REV3L: variants seen among roughly 807,000 people sequenced by gnomAD.
REV3L encodes DNA polymerase zeta catalytic subunit.
In REV3L, 69 loss-of-function variants were observed where a neutral mutation model predicts 299.4. The ratio of observed to expected loss-of-function variants is 0.23; its 90% CI spans 0.19 to 0.28. The LOEUF is 0.28. Among genes scored for constraint, REV3L ranks in the 10% least tolerant of loss-of-function variants. The pLI is 1.00. For missense variants in REV3L, 3,128 were observed against 3,693.8 expected (o/e 0.85, Z 3.97); for synonymous variants, 1,238 against 1,271.4 (o/e 0.97, Z 0.56).
chr6:111,395,380 C>CA (rs1246694868), intron 4 of REV3L, among the ~76,000 whole-genome samples: 16 of 152,164 alleles, frequency 1.1e-4, no homozygotes, highest in African/African-American at 3.6e-4. Flanking sequence ...CTGTCTACTT[C>CA]AGTTAATTTT....
intron 1 of REV3L, among the ~76,000 whole-genome samples, chr6:111,429,766 G>A (rs1786651415): frequency 2.0e-5 from 3 of 152,134 alleles, no homozygotes; most frequent in South Asian, 2.1e-4. Flanking sequence ...CGGAAGCAGC[G>A]CCGCACTGCC....
chr6:111,438,027 T>A (rs898977522), intron 1 of REV3L, among the ~76,000 whole-genome samples: 4 of 150,160 alleles, frequency 2.7e-5, no homozygotes, highest in African/African-American at 7.3e-5. Context: ...TTTTTTTTTT[T>A]ATTTTTATTT....
intron 26 of REV3L, among the ~76,000 whole-genome samples, chr6:111,316,450 G>C (rs1773526508): frequency 6.6e-6 from 1 of 151,870 alleles, no homozygotes; most frequent in Admixed American, 6.6e-5. Flanking sequence ...TATCACCTGA[G>C]GTCAGGATTT....
intron 1 of REV3L, among the ~76,000 whole-genome samples, chr6:111,472,885 G>C (rs1417971756): frequency 6.6e-6 from 1 of 152,106 alleles, no homozygotes; most frequent in African/African-American, 2.4e-5. Flanking sequence ...CTTATAATTT[G>C]TTTTGGTCTC....
chr6:111,347,399 C>G (rs1031447135), intron 20 of REV3L, among the ~76,000 whole-genome samples: 15 of 151,958 alleles, frequency 9.9e-5, no homozygotes, highest in African/African-American at 2.9e-4. Context: ...GGGACTCTAA[C>G]ACTCTTCTAT....
intron 1 of REV3L, among the ~76,000 whole-genome samples, chr6:111,478,573 G>A (rs1793222943): frequency 6.7e-6 from 1 of 148,506 alleles, no homozygotes; most frequent in South Asian, 2.1e-4. Context: ...AACCTGAGTT[G>A]TTGATACACG....
intron 9 of REV3L, among the ~76,000 whole-genome samples, chr6:111,384,718 T>C (rs572450289): frequency 1.3e-5 from 2 of 152,278 alleles, no homozygotes; most frequent in South Asian, 2.1e-4. Context: ...AGAACTACCA[T>C]ATAATCCAGC....
intron 31 of REV3L, among the ~76,000 whole-genome samples, chr6:111,305,160 C>T (rs556284399): frequency 6.0e-4 from 91 of 152,110 alleles, no homozygotes; most frequent in African/African-American, 2.0e-3. Flanking sequence ...AGGCTGGTCT[C>T]GAACTCCCGA....
At chr6:111,412,036 T>G in intron 2 of REV3L, 1 of 985,336 alleles carries the variant, frequency 1.0e-6, no homozygotes, top group Non-Finnish European at 1.2e-6. Context: ...AGTCCTTTAC[T>G]TAACAACACT....
chr6:111,407,729 G>A (rs1783795403), intron 3 of REV3L, among the ~76,000 whole-genome samples: 1 of 152,074 alleles, frequency 6.6e-6, no homozygotes, highest in Non-Finnish European at 1.5e-5. Flanking sequence ...GAGGTCAGGG[G>A]TTCTAGACCA....
intron 4 of REV3L, among the ~76,000 whole-genome samples, chr6:111,394,772 G>A (rs1782312443): frequency 6.8e-6 from 1 of 147,140 alleles, no homozygotes; most frequent in Non-Finnish European, 1.5e-5. Context: ...GTATGATTAT[G>A]GCTCACTGCA....
chr6:111,318,544 G>C (rs901144017), intron 26 of REV3L, among the ~76,000 whole-genome samples: 1 of 152,134 alleles, frequency 6.6e-6, no homozygotes, highest in East Asian at 1.9e-4. Flanking sequence ...TTCTTAAAAT[G>C]TTCAGATGCA....
chr6:111,337,336 CAG>C (rs1243355779), intron 21 of REV3L, among the ~76,000 whole-genome samples: 2 of 152,058 alleles, frequency 1.3e-5, no homozygotes, highest in South Asian at 2.1e-4. Flanking sequence ...GTTTAAGAAA[CAG>C]AAATTTTGTT....
intron 16 of REV3L, 49 bp from the exon 17 acceptor site, chr6:111,359,063 T>G: frequency 6.7e-7 from 1 of 1,496,164 alleles, no homozygotes; most frequent in Non-Finnish European, 9.1e-7. Context: ...TTTAAAGACA[T>G]GCTCAAAGAA....
At chr6:111,307,050 T>C (rs1376868534) in intron 31 of REV3L, among the ~76,000 whole-genome samples, 2 of 152,160 alleles carry the variant, frequency 1.3e-5, no homozygotes, top group Non-Finnish European at 2.9e-5. Flanking sequence ...TTGGAGCATT[T>C]TGAATTTTGA....
chr6:111,330,734 C>T (rs1379487482), intron 24 of REV3L, among the ~76,000 whole-genome samples: 3 of 151,994 alleles, frequency 2.0e-5, no homozygotes, highest in Non-Finnish European at 4.4e-5. Context: ...GGACCAAATT[C>T]GCAGAAATGT....
chr6:111,375,100 A>C lies in REV3L; in HGVS notation c.3255T>G (p.Leu1085=), dbSNP rs1780167856. The C allele has an allele frequency of 6.2e-7, 1 of 1,613,596 alleles. No individual in the cohort carries two copies. Among genetic ancestry groups the C allele is most frequent in the South Asian group, 1.1e-5 (1 of 90,914 alleles). The change falls in exon 13 of 32, where the codon CTT becomes CTG. Residue 1085 remains leucine, a synonymous_variant. Coordinates refer to ENST00000368802, the MANE Select transcript of REV3L (RefSeq NM_001372078.1). ...SFRKKRSHAI[L]SPPSPSYNAE... is the part of the protein sequence containing the mutation. The stretch of plus-strand genomic sequence containing the variant: ...CATTGTAAGATGGTGAGGGAGGAGA[A>C]AGAATAGCATGTGACCGTTTTTTCC...
chr6:111,449,161 A>G (rs1183274313), intron 1 of REV3L, among the ~76,000 whole-genome samples: 1 of 152,178 alleles, frequency 6.6e-6, no homozygotes, highest in Non-Finnish European at 1.5e-5. Context: ...ATAAACAGAA[A>G]AGCATGTAAA....
chr6:111,388,924 C>T (rs1379131456), intron 7 of REV3L, among the ~76,000 whole-genome samples, 182 bp downstream of exon 7: 1 of 152,048 alleles, frequency 6.6e-6, no homozygotes, highest in East Asian at 1.9e-4. Flanking sequence ...TAATAAGCGA[C>T]AATTGGAGAC....
Sources: gnomAD v4.1 joint callset for allele counts (sites outside exome capture counted in the v4.1 genomes callset) on GRCh38, gnomAD v4.1.1 for gene constraint, MANE v1.5 for transcripts, NCBI Gene and HGNC (gene_info 2026-07-23, HGNC 2026-07-21) for gene names.